MAP2K6: variants seen among roughly 807,000 people sequenced by gnomAD.
MAP2K6 encodes dual specificity mitogen-activated protein kinase kinase 6.
In MAP2K6, 16 loss-of-function variants were observed where a neutral mutation model predicts 53.7. The ratio of observed to expected loss-of-function variants is 0.30; its 90% CI spans 0.20 to 0.45. MAP2K6 has a LOEUF of 0.45. Ranked by LOEUF, MAP2K6 falls within the 20% of genes least tolerant of loss-of-function variation. The pLI, the probability that MAP2K6 is intolerant of heterozygous loss-of-function variation, is 1.00. For synonymous variants in MAP2K6, 132 were observed against 143.1 expected (o/e 0.92, Z 0.55); for missense variants, 204 against 411.9 (o/e 0.50, Z 4.37).
At chr17:69,502,006 A>G (rs929150851) in intron 1 of MAP2K6, 5 of 267,582 alleles carry the variant, frequency 1.9e-5, no homozygotes, top group Non-Finnish European at 2.9e-5. Flanking sequence ...TGAAGTAAAC[A>G]CAGCTGGAAA....
intron 1 of MAP2K6, among the ~76,000 whole-genome samples, chr17:69,431,196 T>C (rs1036073118): frequency 6.6e-6 from 1 of 152,146 alleles, no homozygotes; most frequent in African/African-American, 2.4e-5. Context: ...ATTATACCGT[T>C]AATGGGTGCA....
rs770331173 is a variant in MAP2K6 at position 69,536,072 on chromosome 17, T to C, written c.882-43T>C. On this transcript the variant is annotated intron_variant, in intron 10 of 11. Coordinates refer to ENST00000590474, the MANE Select transcript of MAP2K6 (RefSeq NM_002758.4). ...CTGAAATCCTTGTCTAATGAAAATA[T>C]ATATGGCTTCTAGATTTTAATGATT... The C allele has an allele frequency of 2.3e-6, 3 of 1,310,596 alleles. No individual in the cohort carries two copies. In the Admixed American group the frequency reaches 5.2e-5, roughly 23 times the overall value. 81.2% of individuals were successfully genotyped at this position (1,310,596 alleles called of 1,614,324 possible).
chr17:69,443,514 A>G (rs961667557), intron 1 of MAP2K6, among the ~76,000 whole-genome samples: 1 of 152,212 alleles, frequency 6.6e-6, no homozygotes, highest in African/African-American at 2.4e-5. Context: ...TAAAAATCTG[A>G]GCGGTTATTC....
chr17:69,533,699 AACAATAGT>A (rs1911203659), intron 10 of MAP2K6, among the ~76,000 whole-genome samples: 2 of 150,456 alleles, frequency 1.3e-5, no homozygotes, highest in South Asian at 4.2e-4. Flanking sequence ...ATTTGCTTTG[AACAATAGT>A]GGGAAATTCA....
At chr17:69,488,521 A>G (rs926464879) in intron 1 of MAP2K6, among the ~76,000 whole-genome samples, 6 of 152,236 alleles carry the variant, frequency 3.9e-5, no homozygotes. Flanking sequence ...GACTCAACCT[A>G]AATGCCCATC....
intron 1 of MAP2K6, among the ~76,000 whole-genome samples, chr17:69,498,998 A>G (rs1018790163): frequency 2.0e-5 from 3 of 152,050 alleles, no homozygotes; most frequent in Non-Finnish European, 4.4e-5. Context: ...CCGTGTTAAG[A>G]GTGACTGAGC....
rs191349846 is a variant in MAP2K6, at chr17:69,529,749, A to T, written c.881+3040A>T. On this transcript the variant is annotated intron_variant, in intron 10 of 11. Coordinates refer to ENST00000590474, the MANE Select transcript of MAP2K6 (RefSeq NM_002758.4). ...ATGGTCTCGATCTCCTGACCTCGTG[A>T]TCTGCCCCGCCTCAGCCTCCCAAAG... Among the ~76,000 whole-genome samples, 384 of 152,032 alleles carry T rather than the reference A, an allele frequency of 2.5e-3. 1 individual carries two copies. The highest frequency in any genetic ancestry group is 2.8e-3 in the Non-Finnish European group (188 of 67,956).
At chr17:69,505,754 C>G (rs1438424068) in intron 1 of MAP2K6, 26 bp from the exon 2 acceptor site, 1 of 1,600,826 alleles carries the variant, frequency 6.2e-7, no homozygotes, top group Non-Finnish European at 8.6e-7. Context: ...TAGTCCTTAA[C>G]TTTTTCCTTT....
chr17:69,477,548 G>A (rs1908194685), intron 1 of MAP2K6: 2 of 152,178 alleles, frequency 1.3e-5, no homozygotes, highest in Admixed American at 1.3e-4. Context: ...GCTGCATCGG[G>A]GACTGAAGTG....
intron 1 of MAP2K6, among the ~76,000 whole-genome samples, chr17:69,442,432 C>G (rs1403408946): frequency 6.6e-6 from 1 of 152,226 alleles, no homozygotes; most frequent in Non-Finnish European, 1.5e-5. Context: ...TCTGCCACCA[C>G]TTCATACTTG....
At chr17:69,488,451 C>T (rs1461133355) in intron 1 of MAP2K6, among the ~76,000 whole-genome samples, 1 of 152,138 alleles carries the variant, frequency 6.6e-6, no homozygotes, top group African/African-American at 2.4e-5. Context: ...AATTGTTCTA[C>T]CAAAAAGACA....
At chr17:69,489,726 G>A (rs147075453) in intron 1 of MAP2K6, among the ~76,000 whole-genome samples, 22 of 152,278 alleles carry the variant, frequency 1.4e-4, no homozygotes, top group Admixed American at 5.9e-4. Flanking sequence ...GTAGATTAGC[G>A]TTCTCTTTTT....
chr17:69,479,821 C>G (rs1908286022), intron 1 of MAP2K6, among the ~76,000 whole-genome samples: 1 of 151,288 alleles, frequency 6.6e-6, no homozygotes. Context: ...TCAAGCGATT[C>G]TCCTGCCTCC....
chr17:69,506,881 T>C lies in MAP2K6; in HGVS notation c.83+1035T>C, dbSNP rs114566058. Among the ~76,000 whole-genome samples, 1,310 of 152,344 alleles carry C rather than the reference T, an allele frequency of 8.6e-3. 22 individuals carry two copies. The highest frequency in any genetic ancestry group is 0.03 in the African/African-American group (1,261 of 41,570). ...AAGAGTCTAAACTCAAGATAGAATGTTCCTTTCATTAGAATCTGCAGGAGG... is the reference window on the plus strand; with the variant it reads ...AAGAGTCTAAACTCAAGATAGAATGCTCCTTTCATTAGAATCTGCAGGAGG... On this transcript the variant is annotated intron_variant, in intron 2 of 11. Transcript: ENST00000590474.
At position 69,518,532 on chromosome 17, in the gene MAP2K6, A is replaced by G. The variant is rs552987169; in HGVS notation, c.247-781A>G. ...ATGAAAGGAAATTTAAAATCATTTC[A>G]TATTATTGAGTAGGTGTTTGGAGGA... is the stretch of plus-strand genomic sequence containing the variant. On this transcript the variant is annotated intron_variant, in intron 4 of 11. Transcript: ENST00000590474. 1.3e-3 allele frequency among the ~76,000 whole-genome samples: 202 copies of G among 152,350 alleles called. 1 individual carries two copies. The highest frequency in any genetic ancestry group is 4.7e-3 in the African/African-American group (195 of 41,592).
chr17:69,506,724 T>A (rs1368235337), intron 2 of MAP2K6, among the ~76,000 whole-genome samples: 4 of 152,228 alleles, frequency 2.6e-5, no homozygotes, highest in African/African-American at 9.6e-5. Flanking sequence ...TGGGATCATG[T>A]CTGCTGTAAG....
intron 1 of MAP2K6, among the ~76,000 whole-genome samples, chr17:69,467,286 A>C (rs527585579): frequency 6.6e-6 from 1 of 152,358 alleles, no homozygotes; most frequent in South Asian, 2.1e-4. Context: ...TTGTGTTTTG[A>C]TACTTGTCAG....
intron 5 of MAP2K6, 140 bp downstream of exon 5, chr17:69,519,572 G>A: frequency 1.1e-6 from 1 of 951,682 alleles, no homozygotes; most frequent in South Asian, 1.7e-5. Flanking sequence ...TGTGTGCAAT[G>A]ATGACATGCC....
At chr17:69,539,459 C>T (rs933497251) in intron 11 of MAP2K6, among the ~76,000 whole-genome samples, 1 of 152,132 alleles carries the variant, frequency 6.6e-6, no homozygotes, top group African/African-American at 2.4e-5. Flanking sequence ...ACTGGGTTCC[C>T]TCTTAACCTT....
Sources: gnomAD v4.1 joint callset for allele counts (sites outside exome capture counted in the v4.1 genomes callset) on GRCh38, gnomAD v4.1.1 for gene constraint, MANE v1.5 for transcripts, NCBI Gene and HGNC (gene_info 2026-07-23, HGNC 2026-07-21) for gene names.